The following DST variants were observed in gnomAD, a reference collection of about 807,000 sequenced individuals.
DST encodes dystonin, also known as bullous pemphigoid antigen.
Under a neutral mutation model 875.2 loss-of-function variants are expected in DST, and 253 were observed. That is an observed-to-expected ratio of 0.29 (90% CI 0.26 to 0.32). DST has a LOEUF of 0.32. DST is among the 10% of genes least tolerant of loss of function. The pLI, the probability that DST is intolerant of heterozygous loss-of-function variation, is 1.00. For synonymous variants in DST, 3,124 were observed against 3,197.1 expected, an observed-to-expected ratio of 0.98 and a Z score of 0.77; for missense variants, 8,287 against 9,111.6, an observed-to-expected ratio of 0.91 and a Z score of 3.68.
Position 56,854,572 on chromosome 6 carries a change from G to A in DST, c.418-2968C>T, listed in dbSNP as rs115234935. Among the ~76,000 whole-genome samples the A allele has an allele frequency of 5.4e-3, 817 of 152,220 alleles. 6 individuals are homozygous for A. The highest frequency in any genetic ancestry group is 0.019 in the African/African-American group (769 of 41,518). On this transcript the variant is annotated intron_variant, in intron 3 of 103. Coordinates refer to ENST00000680361, the MANE Select transcript of DST (RefSeq NM_001374736.1). ...AAGAATGATTTCTTAAAATATGTGC[G>A]TGTGCATGTACATGTAATAGTTACC...
intron 9 of DST, among the ~76,000 whole-genome samples, chr6:56,685,275 G>A (rs1443517877): frequency 6.6e-6 from 1 of 152,058 alleles, no homozygotes; most frequent in Non-Finnish European, 1.5e-5. Flanking sequence ...GAATCTATAA[G>A]GACCTTAAAC....
chr6:56,584,725 T>G (rs370436875), intron 49 of DST, among the ~76,000 whole-genome samples: 2 of 152,098 alleles, frequency 1.3e-5, no homozygotes, highest in Non-Finnish European at 2.9e-5. Flanking sequence ...ATATTGGCTG[T>G]GGGTCTGTCA....
intron 28 of DST, among the ~76,000 whole-genome samples, chr6:56,632,619 C>T (rs1368419606): frequency 6.6e-6 from 1 of 152,146 alleles, no homozygotes; most frequent in Non-Finnish European, 1.5e-5. Flanking sequence ...AGTAAGAATT[C>T]GTTGTTTGTC....
chr6:56,585,283 G>T (rs2098123774), intron 49 of DST, among the ~76,000 whole-genome samples: 1 of 152,254 alleles, frequency 6.6e-6, no homozygotes, highest in African/African-American at 2.4e-5. Context: ...CCTGTTATTG[G>T]TCTATTCAGA....
Position 56,560,342 on chromosome 6 carries a change from G to C in DST, c.14392C>G (p.Pro4798Ala), listed in dbSNP as rs372505269. 4 of 1,610,454 alleles carry C rather than the reference G, an allele frequency of 2.5e-6. No homozygotes were observed. Among genetic ancestry groups the C allele is most frequent in the Non-Finnish European group, 3.4e-6 (4 of 1,178,198 alleles). The stretch of plus-strand genomic sequence containing the variant: ...CATCTGGGGGCCTCAGGAGTATCTG[G>C]GTTCTCCTCCAACAGCTCTGTCAAT... ...DKLTELLEENPDTPEAPRWKQ... is the reference protein window; with the variant it reads ...DKLTELLEENADTPEAPRWKQ... Residue 4798 changes from proline (P) to alanine (A), a missense_variant, in exon 58 of 104, where the codon CCA becomes GCA. This residue lies in a region of DST where 1,513 missense variants were observed against 1,677.8 expected (regional missense o/e 0.90). Transcript: ENST00000680361.
At chr6:56,761,803 G>A (rs944776883) in intron 4 of DST, among the ~76,000 whole-genome samples, 9 of 151,992 alleles carry the variant, frequency 5.9e-5, no homozygotes, top group African/African-American at 2.4e-5. Context: ...GATACTTCAA[G>A]TCAAAAAAGA....
At chr6:56,811,002 T>G (rs2099759279) in intron 4 of DST, among the ~76,000 whole-genome samples, 1 of 151,332 alleles carries the variant, frequency 6.6e-6, no homozygotes, top group African/African-American at 2.4e-5. Flanking sequence ...GGCAACATAG[T>G]GAGACCCCCC....
Position 56,616,790 on chromosome 6 carries a change from G to A in DST, c.4930-2306C>T, listed in dbSNP as rs768014030. ...TCTATTTTCCATAGCTTGAAACACTGACAATGTCTTAGAAGAATAAGAATA... is the reference window on the plus strand; with the variant it reads ...TCTATTTTCCATAGCTTGAAACACTAACAATGTCTTAGAAGAATAAGAATA... On this transcript the variant is annotated intron_variant, in intron 36 of 103. Transcript: ENST00000680361. 1.9e-6 allele frequency: 3 copies of A among 1,614,086 alleles called. No homozygotes were observed. Among genetic ancestry groups the A allele is most frequent in the South Asian group, 1.1e-5 (1 of 91,072 alleles).
At chr6:56,626,344 T>G (rs1014359756) in intron 34 of DST, among the ~76,000 whole-genome samples, 1 of 152,158 alleles carries the variant, frequency 6.6e-6, no homozygotes, top group African/African-American at 2.4e-5. Flanking sequence ...TCTATACAAG[T>G]GTACCATGTT....
Position 56,699,757 on chromosome 6 carries a change from G to A in DST, c.955-12C>T. ...TTCACTAATTTCACCTGTTTTGAAT[G>A]TGAAGAAGAGATAAAACCAACTGTT... On this transcript the variant is annotated splice_polypyrimidine_tract_variant and intron_variant, in intron 8 of 103. Coordinates refer to ENST00000680361, the MANE Select transcript of DST (RefSeq NM_001374736.1). 7.7e-7 allele frequency: 1 copy of A among 1,305,676 alleles called. No homozygotes were observed. Among genetic ancestry groups the A allele is most frequent in the African/African-American group, 1.5e-5 (1 of 65,716 alleles). 80.9% of individuals were successfully genotyped at this position (1,305,676 alleles called of 1,614,324 possible). A position where few individuals can be genotyped will look rare whatever the true frequency, so the allele number is the denominator to read the frequency against.
intron 63 of DST, 124 bp downstream of exon 63, chr6:56,534,998 T>C: frequency 2.8e-6 from 3 of 1,084,038 alleles, no homozygotes; most frequent in Non-Finnish European, 4.0e-6. Flanking sequence ...AACAAAATAA[T>C]GTCTACAGCA....
Position 56,650,952 on chromosome 6 carries a change from C to T in DST, c.1408G>A (p.Glu470Lys). 1 of 1,613,026 alleles carries T rather than the reference C, an allele frequency of 6.2e-7. No homozygotes were observed. ...SLYDAFPKVPEGGEGIGANDV... is the reference protein window; with the variant it reads ...SLYDAFPKVPKGGEGIGANDV... The stretch of plus-strand genomic sequence containing the variant: ...TTTGCACCAATGCCTTCCCCACCTT[C>T]AGGGACTTTAGGAAATGCATCATAG... Residue 470 changes from glutamate to lysine, a missense_variant, in exon 12 of 104, where the codon GAA (glutamate) becomes AAA (lysine). Around this residue, in one of 10 missense-constraint regions of DST, gnomAD observed 1,160 missense variants for 1,424.3 expected, o/e 0.81. Coordinates refer to ENST00000680361, the MANE Select transcript of DST (RefSeq NM_001374736.1).
At chr6:56,920,595 T>C (rs1356511595) in intron 2 of DST, among the ~76,000 whole-genome samples, 2 of 152,214 alleles carry the variant, frequency 1.3e-5, no homozygotes, top group Admixed American at 1.3e-4. Flanking sequence ...TAAAAAGTAC[T>C]TCAAAGCACT....
rs2098628535 is a variant in DST at position 56,616,719 on chromosome 6, C to T, written c.4930-2235G>A. 2.5e-6 allele frequency: 4 copies of T among 1,614,212 alleles called. No homozygotes were observed. Among genetic ancestry groups the T allele is most frequent in the Non-Finnish European group, 3.4e-6 (4 of 1,180,024 alleles). ...ACAGGGTCAATGACACCCCCACTGG[C>T]AATCTGGGCTTCCAAGATATGTTTA... On this transcript the variant is annotated intron_variant, in intron 36 of 103. Transcript: ENST00000680361.
intron 53 of DST, among the ~76,000 whole-genome samples, chr6:56,570,639 A>C (rs2097765481): frequency 1.3e-5 from 2 of 152,132 alleles, no homozygotes; most frequent in African/African-American, 4.8e-5. Context: ...CCCAGTTCAT[A>C]ATAGGCCATA....
chr6:56,501,439 A>C, intron 79 of DST, 81 bp downstream of exon 79: 1 of 1,225,028 alleles, frequency 8.2e-7, no homozygotes, highest in Non-Finnish European at 1.1e-6. Context: ...AAATAATTCT[A>C]ATTTTATCTT....
At chr6:56,517,390 T>C (rs1037821465) in intron 70 of DST, 85 bp from the exon 71 acceptor site, 2 of 1,585,126 alleles carry the variant, frequency 1.3e-6, no homozygotes, top group African/African-American at 1.4e-5. Context: ...TAGTTAAAAA[T>C]ATCACGTTAC....
intron 10 of DST, among the ~76,000 whole-genome samples, chr6:56,660,868 G>A (rs2099036951): frequency 6.6e-6 from 1 of 151,660 alleles, no homozygotes; most frequent in African/African-American, 2.4e-5. Context: ...TAACAACAAG[G>A]TAGACAGCAA....
intron 2 of DST, among the ~76,000 whole-genome samples, chr6:56,926,764 T>TC (rs113214193): frequency 5.5e-4 from 72 of 131,044 alleles, no homozygotes; most frequent in African/African-American, 2.4e-3. Context: ...GCTTATTAAA[T>TC]CGTGTAACTA....
Sources: gnomAD v4.1 joint callset for allele counts (sites outside exome capture counted in the v4.1 genomes callset) on GRCh38, gnomAD v4.1.1 for gene constraint, gnomAD v4.1.1 regional missense constraint, MANE v1.5 for transcripts, NCBI Gene and HGNC (gene_info 2026-07-23, HGNC 2026-07-21) for gene names.